Variants in PRKG2 observed in about 807,000 individuals in gnomAD.
PRKG2 encodes the protein cGMP-dependent protein kinase 2.
A neutral mutation model predicts 97.2 loss-of-function variants in PRKG2; 33 were observed. The ratio of observed to expected loss-of-function variants is 0.34; its 90% CI spans 0.26 to 0.45. The LOEUF (loss-of-function observed/expected upper bound fraction) is 0.45. PRKG2 is among the 20% of genes least tolerant of loss of function. The pLI, the probability that PRKG2 is intolerant of heterozygous loss-of-function variation, is 1.00. For missense variants in PRKG2, 638 were observed against 900.0 expected (o/e 0.71, Z 3.73); for synonymous variants, 330 against 321.8 (o/e 1.03, Z -0.27).
intron 2 of PRKG2, among the ~76,000 whole-genome samples, chr4:81,201,566 A>G (rs1240336263): frequency 6.6e-6 from 1 of 152,218 alleles, no homozygotes; most frequent in Non-Finnish European, 1.5e-5. Context: ...GTACAGGACA[A>G]TAAAGCTGGC....
chr4:81,124,654 A>G (rs1205425441), intron 14 of PRKG2, among the ~76,000 whole-genome samples: 1 of 152,142 alleles, frequency 6.6e-6, no homozygotes, highest in Non-Finnish European at 1.5e-5. Context: ...GCAGCACATG[A>G]GGGAGTCACC....
intron 4 of PRKG2, among the ~76,000 whole-genome samples, chr4:81,171,374 T>C (rs1750462842): frequency 6.6e-6 from 1 of 152,156 alleles, no homozygotes. Flanking sequence ...TAGCATTCCA[T>C]AATGTATACA....
chr4:81,122,556 T>C (rs1745164976), intron 14 of PRKG2, among the ~76,000 whole-genome samples: 1 of 152,186 alleles, frequency 6.6e-6, no homozygotes, highest in South Asian at 2.1e-4. Context: ...GGACACACCA[T>C]TACAGACTCC....
intron 2 of PRKG2, among the ~76,000 whole-genome samples, chr4:81,179,808 G>A (rs781604770): frequency 6.6e-6 from 1 of 152,044 alleles, no homozygotes; most frequent in Admixed American, 6.6e-5. Context: ...AATTTATAGT[G>A]AGGCCTACAA....
intron 4 of PRKG2, among the ~76,000 whole-genome samples, chr4:81,170,095 T>C (rs1750329663): frequency 6.6e-6 from 1 of 152,102 alleles, no homozygotes; most frequent in Non-Finnish European, 1.5e-5. Context: ...TCTGCTGTAA[T>C]ACAAGAGAAA....
intron 14 of PRKG2, among the ~76,000 whole-genome samples, chr4:81,129,687 T>C (rs1436977479): frequency 6.6e-6 from 1 of 152,180 alleles, no homozygotes; most frequent in Non-Finnish European, 1.5e-5. Flanking sequence ...ATTTGCTTGG[T>C]AAATATTCCT....
chr4:81,184,674 G>A (rs1042391021), intron 2 of PRKG2, among the ~76,000 whole-genome samples: 2 of 152,086 alleles, frequency 1.3e-5, no homozygotes, highest in African/African-American at 2.4e-5. Context: ...TTCAGAAGGA[G>A]GGTAATAACA....
At chr4:81,179,044 G>A (rs901298521) in intron 2 of PRKG2, among the ~76,000 whole-genome samples, 1 of 151,848 alleles carries the variant, frequency 6.6e-6, no homozygotes, top group African/African-American at 2.4e-5. Flanking sequence ...AGAATTGCTT[G>A]AACCCGGGAG....
chr4:81,094,388 C>A lies in PRKG2; in HGVS notation c.2127-1936G>T, dbSNP rs372659893. Reference sequence around the variant, plus strand: ...TTACTTTAGAAGGGACTAAGAAAATCTGATGCCAAACTTTAGAAGAAATTT... The same window carrying A: ...TTACTTTAGAAGGGACTAAGAAAATATGATGCCAAACTTTAGAAGAAATTT... On this transcript the variant is annotated intron_variant, in intron 17 of 18. Coordinates refer to ENST00000264399, the MANE Select transcript of PRKG2 (RefSeq NM_006259.3). Among the ~76,000 whole-genome samples the A allele has an allele frequency of 4.1e-5, 6 of 146,056 alleles. No individual in the cohort carries two copies. In the East Asian group the frequency reaches 1.2e-3, roughly 30 times the overall value.
chr4:81,137,438 A>G lies in PRKG2; in HGVS notation c.1589T>C (p.Leu530Pro). 6.2e-7 allele frequency: 1 copy of G among 1,613,018 alleles called. No homozygotes were observed. Among genetic ancestry groups the G allele is most frequent in the Non-Finnish European group, 8.5e-7 (1 of 1,178,990 alleles). ...GAGCTCCCCACCTAAGCAGGCCTCCAGAAGCATGTATACATACTTATTGTC... is the reference window on the plus strand; with the variant it reads ...GAGCTCCCCACCTAAGCAGGCCTCCGGAAGCATGTATACATACTTATTGTC... ...FKDNKYVYML[L>P]EACLGGELWS... Residue 530 changes from leucine to proline, a missense_variant, in exon 13 of 19, where the codon CTG (leucine) becomes CCG (proline). Transcript: ENST00000264399.
At chr4:81,127,791 C>T (rs527673072) in intron 14 of PRKG2, among the ~76,000 whole-genome samples, 183 of 152,274 alleles carry the variant, frequency 1.2e-3, no homozygotes, top group South Asian at 3.9e-3. Context: ...GACAATTTGA[C>T]TTCCTTTCTT....
intron 14 of PRKG2, among the ~76,000 whole-genome samples, chr4:81,132,160 A>G (rs1746247265): frequency 6.6e-6 from 1 of 151,956 alleles, no homozygotes; most frequent in African/African-American, 2.4e-5. Context: ...TTATTTTATA[A>G]TTGTTAGTGT....
At chr4:81,217,233 G>T (rs553037406), upstream of PRKG2, among the ~76,000 whole-genome samples, 1 of 151,650 alleles carries the variant, frequency 6.6e-6, no homozygotes, top group South Asian at 2.1e-4. Context: ...TGATGTACTG[G>T]GTCAAAGCCA....
intron 17 of PRKG2, 48 bp from the exon 18 acceptor site, chr4:81,092,500 G>GGAAA: frequency 9.5e-7 from 1 of 1,052,368 alleles, no homozygotes; most frequent in Non-Finnish European, 1.4e-6. Context: ...AAGGAAGGAA[G>GGAAA]GAAGGAAGGA....
Position 81,204,896 on chromosome 4 carries a change from A to T in PRKG2, c.152T>A (p.Leu51Ter). 6.2e-7 allele frequency: 1 copy of T among 1,614,142 alleles called. No individual in the cohort carries two copies. Among genetic ancestry groups the T allele is most frequent in the Non-Finnish European group, 8.5e-7 (1 of 1,180,028 alleles). ...CGACAGCTGCTCCCGCAGCTCCTTC[A>T]AATGGTACTCCCGCTCCTGGATCTC... ...DAEIQEREYHLKELREQLSKQ... is the reference protein window; with the variant it reads ...DAEIQEREYH Residue 51 changes from leucine (L) to a stop codon, truncating the protein, a stop_gained, in exon 2 of 19, where the codon TTG becomes TAG. Transcript: ENST00000264399. LOFTEE classifies it high-confidence loss of function.
At chr4:81,132,295 G>A (rs1397982195) in intron 14 of PRKG2, among the ~76,000 whole-genome samples, 4 of 152,028 alleles carry the variant, frequency 2.6e-5, no homozygotes, top group African/African-American at 9.7e-5. Context: ...CTCTTTGGTA[G>A]AGTCTTCAGA....
intron 15 of PRKG2, among the ~76,000 whole-genome samples, chr4:81,106,310 C>T (rs994935166): frequency 6.6e-6 from 1 of 152,184 alleles, no homozygotes; most frequent in Non-Finnish European, 1.5e-5. Flanking sequence ...ATGCACCGCA[C>T]CACTACCTAT....
rs760133321 is a variant in PRKG2 at position 81,105,844 on chromosome 4, G to A, written c.2032C>T (p.Arg678Ter). Residue 678 changes from arginine (R) to a stop codon, truncating the protein, a stop_gained, in exon 16 of 19, where the codon CGA (arginine) becomes TGA (stop). Transcript: ENST00000264399. LOFTEE classifies it high-confidence loss of function. The stretch of plus-strand genomic sequence containing the variant: ...AGCCTCCGAATCAAATCCTCAGGTC[G>A]TCGTGTTATCTTCCTGGGAAAATCC... Reference protein sequence around the residue: ...KMDFPRKITRRPEDLIRRLCR... With the variant: ...KMDFPRKITR 3.7e-6 allele frequency: 6 copies of A among 1,613,698 alleles called. No individual in the cohort carries two copies. Among genetic ancestry groups the A allele is most frequent in the Non-Finnish European group, 5.1e-6 (6 of 1,179,816 alleles).
chr4:81,165,209 A>C (rs1050491414), intron 6 of PRKG2, among the ~76,000 whole-genome samples: 3 of 152,152 alleles, frequency 2.0e-5, no homozygotes, highest in African/African-American at 7.2e-5. Context: ...AGCTAAAGCA[A>C]GAAATGCCAT....
Sources: gnomAD v4.1 joint callset for allele counts (sites outside exome capture counted in the v4.1 genomes callset) on GRCh38, gnomAD v4.1.1 for gene constraint, MANE v1.5 for transcripts, NCBI Gene and HGNC (gene_info 2026-07-23, HGNC 2026-07-21) for gene names.